SCAPER: variants seen among roughly 807,000 people sequenced by gnomAD.
SCAPER encodes S-phase cyclin A associated protein in the ER.
Under a neutral mutation model 182.2 loss-of-function variants are expected in SCAPER, and 98 were observed. The ratio of observed to expected loss-of-function variants is 0.54; its 90% CI spans 0.46 to 0.64. The LOEUF (loss-of-function observed/expected upper bound fraction) is 0.64. Among genes scored for constraint, SCAPER ranks in the 30% least tolerant of loss-of-function variants. The pLI is 0.00. For synonymous variants in SCAPER, 605 were observed against 564.6 expected (o/e 1.07, Z -1.01); for missense variants, 1,432 against 1,690.0 (o/e 0.85, Z 2.68).
At chr15:76,678,623 G>C (rs1011997960) in intron 20 of SCAPER, among the ~76,000 whole-genome samples, 7 of 151,846 alleles carry the variant, frequency 4.6e-5, no homozygotes, top group African/African-American at 1.7e-4. Context: ...TAAAAGGTGA[G>C]GAAGGTATAG....
At chr15:76,822,989 T>C (rs1157155798) in intron 5 of SCAPER, among the ~76,000 whole-genome samples, 1 of 152,194 alleles carries the variant, frequency 6.6e-6, no homozygotes, top group Non-Finnish European at 1.5e-5. Context: ...CACCTTACTA[T>C]AAAGATAACT....
intron 23 of SCAPER, among the ~76,000 whole-genome samples, chr15:76,549,860 T>C (rs1455001159): frequency 1.3e-5 from 2 of 152,126 alleles, no homozygotes; most frequent in African/African-American, 4.8e-5. Context: ...CTAAAACTAC[T>C]AGAAAACATA....
chr15:76,390,873 G>A (rs538869842), intron 27 of SCAPER, among the ~76,000 whole-genome samples: 7 of 152,298 alleles, frequency 4.6e-5, no homozygotes, highest in South Asian at 2.1e-4. Flanking sequence ...CATATCAGGT[G>A]CTGCATTAAG....
chr15:76,681,006 G>A (rs2057671791), intron 20 of SCAPER, among the ~76,000 whole-genome samples: 1 of 152,164 alleles, frequency 6.6e-6, no homozygotes, highest in Non-Finnish European at 1.5e-5. Context: ...AAACTGGTGA[G>A]ACAAGAGAAA....
chr15:76,368,851 C>G (rs1178216827), intron 29 of SCAPER, among the ~76,000 whole-genome samples: 2 of 152,030 alleles, frequency 1.3e-5, no homozygotes, highest in Admixed American at 1.3e-4. Flanking sequence ...AATTATCAGA[C>G]CACATTTAAT....
chr15:76,666,596 T>G (rs1446712255), intron 20 of SCAPER, among the ~76,000 whole-genome samples: 1 of 152,198 alleles, frequency 6.6e-6, no homozygotes, highest in Non-Finnish European at 1.5e-5. Flanking sequence ...AACTTTAAAT[T>G]TATGAAATTA....
At chr15:76,859,859 C>T (rs1267891188) in intron 3 of SCAPER, among the ~76,000 whole-genome samples, 1 of 152,068 alleles carries the variant, frequency 6.6e-6, no homozygotes, top group Non-Finnish European at 1.5e-5. Flanking sequence ...GGATTACAGG[C>T]ACCCACTGCC....
intron 21 of SCAPER, among the ~76,000 whole-genome samples, chr15:76,648,985 C>G (rs1234757358): frequency 1.3e-5 from 2 of 152,216 alleles, no homozygotes; most frequent in Non-Finnish European, 2.9e-5. Flanking sequence ...ACACCTGGTC[C>G]AACCAATCTC....
At chr15:76,837,206 C>T (rs920903486) in intron 5 of SCAPER, among the ~76,000 whole-genome samples, 2 of 152,072 alleles carry the variant, frequency 1.3e-5, no homozygotes, top group Admixed American at 6.6e-5. Context: ...AAACAAACAG[C>T]CCCAATTAAA....
rs766038789 is a variant in SCAPER at position 76,733,339 on chromosome 15, G to A, written c.1912C>T (p.Arg638Cys). Residue 638 changes from arginine to cysteine, a missense_variant, in exon 16 of 32, where the codon CGT (arginine) becomes TGT (cysteine). Arg to Cys is a radical substitution (Grantham distance 180). This residue lies in a region of SCAPER where 88 missense variants were observed against 184.2 expected (regional missense o/e 0.48). Coordinates refer to ENST00000563290, the MANE Select transcript of SCAPER (RefSeq NM_020843.4). ...TTCAATTTTGATAAAACATCATGAC[G>A]TTTATTCTGGGCTTCAAGGGTATTT... ...FINTLEAQNK[R>C]HDVLSKLKEY... The A allele has an allele frequency of 3.1e-6, 5 of 1,613,532 alleles. No homozygotes were observed. Among genetic ancestry groups the A allele is most frequent in the Non-Finnish European group, 4.2e-6 (5 of 1,179,704 alleles).
At chr15:76,577,245 AGACCAGCCTGG>A (rs966244173) in intron 22 of SCAPER, among the ~76,000 whole-genome samples, 3 of 152,156 alleles carry the variant, frequency 2.0e-5, no homozygotes, top group Non-Finnish European at 4.4e-5. Context: ...CAGAAGTTCA[AGACCAGCCTGG>A]GCAACATGGT....
chr15:76,656,953 T>A (rs1434332370), intron 21 of SCAPER, among the ~76,000 whole-genome samples: 1 of 152,008 alleles, frequency 6.6e-6, no homozygotes, highest in East Asian at 1.9e-4. Context: ...CTTAGAAAGA[T>A]CTCAAATTAA....
chr15:76,583,455 G>A (rs2048413225), intron 22 of SCAPER, among the ~76,000 whole-genome samples: 1 of 151,834 alleles, frequency 6.6e-6, no homozygotes, highest in African/African-American at 2.4e-5. Flanking sequence ...CTGCATAGCA[G>A]AGGAACGAAT....
intron 27 of SCAPER, among the ~76,000 whole-genome samples, chr15:76,383,944 G>C (rs1241178648): frequency 1.3e-5 from 2 of 152,144 alleles, no homozygotes; most frequent in Non-Finnish European, 2.9e-5. Flanking sequence ...AAAAGTTTAA[G>C]AAATGATATT....
chr15:76,628,635 C>T (rs1171115485), intron 21 of SCAPER, among the ~76,000 whole-genome samples: 1 of 152,108 alleles, frequency 6.6e-6, no homozygotes. Context: ...GTCTAGGTGC[C>T]TGTTTATGTA....
intron 22 of SCAPER, among the ~76,000 whole-genome samples, chr15:76,608,329 GC>G: frequency 6.6e-6 from 1 of 152,306 alleles, no homozygotes; most frequent in East Asian, 1.9e-4. Flanking sequence ...CTGCAGAACA[GC>G]GGATTTTGGT....
At chr15:76,431,197 T>G (rs1369199535) in intron 26 of SCAPER, among the ~76,000 whole-genome samples, 1 of 128,766 alleles carries the variant, frequency 7.8e-6, no homozygotes, top group Non-Finnish European at 1.7e-5. Context: ...AGTTACAATG[T>G]GCCAATGAAA....
chr15:76,551,783 C>T (rs965803585), intron 23 of SCAPER, among the ~76,000 whole-genome samples: 6 of 152,138 alleles, frequency 3.9e-5, no homozygotes, highest in African/African-American at 9.7e-5. Context: ...AATATATATA[C>T]ATGTATTAAA....
intron 5 of SCAPER, among the ~76,000 whole-genome samples, chr15:76,810,887 A>G (rs765276035): frequency 6.6e-6 from 1 of 152,090 alleles, no homozygotes; most frequent in Non-Finnish European, 1.5e-5. Flanking sequence ...AGAAATGACT[A>G]AATTATCAAA....
Sources: allele counts gnomAD v4.1 joint callset (sites outside exome capture counted in the v4.1 genomes callset), GRCh38; gene constraint gnomAD v4.1.1; regional missense constraint gnomAD v4.1.1; transcripts MANE v1.5; gene names NCBI Gene and HGNC (gene_info 2026-07-23, HGNC 2026-07-21).